Variants in CHRM3 observed in about 807,000 individuals in gnomAD.
CHRM3 encodes cholinergic receptor muscarinic 3.
In CHRM3, 11 loss-of-function variants were observed where a neutral mutation model predicts 41.8. The ratio of observed to expected loss-of-function variants is 0.26; its 90% CI spans 0.17 to 0.44. The LOEUF (loss-of-function observed/expected upper bound fraction) is 0.44. Among genes scored for constraint, CHRM3 ranks in the 20% least tolerant of loss-of-function variants. The pLI is 1.00. For missense variants in CHRM3, 571 were observed against 745.4 expected, an observed-to-expected ratio of 0.77 and a Z score of 2.72; for synonymous variants, 297 against 301.4, an observed-to-expected ratio of 0.99 and a Z score of 0.15.
chr1:239,402,949 G>A (rs1660103500), intron 1 of CHRM3, among the ~76,000 whole-genome samples: 1 of 152,046 alleles, frequency 6.6e-6, no homozygotes, highest in Non-Finnish European at 1.5e-5. Flanking sequence ...GAACTTTGTG[G>A]ATTTTTTTTT....
chr1:239,599,796 A>T (rs1324108604), intron 3 of CHRM3, among the ~76,000 whole-genome samples: 1 of 152,024 alleles, frequency 6.6e-6, no homozygotes, highest in East Asian at 1.9e-4. Flanking sequence ...TGAATATCTC[A>T]TGTAATTTAT....
chr1:239,741,182 C>G (rs1403716276), intron 5 of CHRM3, among the ~76,000 whole-genome samples: 4 of 152,050 alleles, frequency 2.6e-5, no homozygotes, highest in Admixed American at 2.6e-4. Context: ...AGAGGAGATT[C>G]AAAGCAGCAG....
At chr1:239,613,876 T>C (rs1667336178) in intron 3 of CHRM3, among the ~76,000 whole-genome samples, 1 of 152,204 alleles carries the variant, frequency 6.6e-6, no homozygotes, top group Non-Finnish European at 1.5e-5. Flanking sequence ...AAGGATGGGC[T>C]GGGCACAGTG....
At chr1:239,699,169 A>G (rs1330978959) in intron 5 of CHRM3, among the ~76,000 whole-genome samples, 1 of 152,024 alleles carries the variant, frequency 6.6e-6, no homozygotes, top group Non-Finnish European at 1.5e-5. Flanking sequence ...TATTAAAAGT[A>G]TGTTCTGTTT....
chr1:239,728,251 G>A lies in CHRM3; in HGVS notation c.-147+49963G>A, dbSNP rs548216079. ...CCCACTGACAGAAGCTGAATTTAAC[G>A]TTAGTTTTCATGGTTATATCCCCTT... On this transcript the variant is annotated intron_variant, in intron 5 of 6. Coordinates refer to ENST00000676153, the MANE Select transcript of CHRM3 (RefSeq NM_001375978.1). Among the ~76,000 whole-genome samples the A allele has an allele frequency of 1.7e-4, 26 of 152,026 alleles. No homozygotes were observed. The South Asian group carries it at 2.9e-3, about 17-fold the overall frequency.
chr1:239,580,326 T>TCA (rs1662759285), intron 3 of CHRM3, among the ~76,000 whole-genome samples: 2 of 148,094 alleles, frequency 1.4e-5, no homozygotes, highest in South Asian at 4.3e-4. Flanking sequence ...TTGACCATAT[T>TCA]CAACTATTAT....
intron 6 of CHRM3, among the ~76,000 whole-genome samples, chr1:239,853,630 A>G (rs1054312859): frequency 6.6e-6 from 1 of 152,052 alleles, no homozygotes; most frequent in African/African-American, 2.4e-5. Flanking sequence ...GTTTATTTGT[A>G]CAAAAAAATT....
At chr1:239,757,413 G>A (rs530216032) in intron 5 of CHRM3, among the ~76,000 whole-genome samples, 3 of 152,138 alleles carry the variant, frequency 2.0e-5, no homozygotes, top group South Asian at 2.1e-4. Context: ...GGCACATCAC[G>A]AGGTCAGGAG....
At chr1:239,827,541 T>C (rs1672552608) in intron 6 of CHRM3, among the ~76,000 whole-genome samples, 163 bp downstream of exon 6, 1 of 152,184 alleles carries the variant, frequency 6.6e-6, no homozygotes, top group African/African-American at 2.4e-5. Context: ...ATGTTGAAGG[T>C]AATGATAGTT....
At chr1:239,477,285 G>A (rs1336606787) in intron 1 of CHRM3, among the ~76,000 whole-genome samples, 5 of 152,100 alleles carry the variant, frequency 3.3e-5, no homozygotes, top group African/African-American at 1.2e-4. Flanking sequence ...AGCATCTTGA[G>A]GACTACAAAG....
At chr1:239,898,639 CG>C (rs1260802723) in intron 6 of CHRM3, among the ~76,000 whole-genome samples, 2 of 152,096 alleles carry the variant, frequency 1.3e-5, no homozygotes, top group Non-Finnish European at 2.9e-5. Context: ...AAAATTTATA[CG>C]CTTTTAATTG....
chr1:239,759,755 T>C (rs1666574975), intron 5 of CHRM3, among the ~76,000 whole-genome samples: 2 of 152,186 alleles, frequency 1.3e-5, no homozygotes, highest in African/African-American at 2.4e-5. Context: ...GCCCCTGCTT[T>C]CTCTCTACTG....
intron 4 of CHRM3, among the ~76,000 whole-genome samples, chr1:239,664,105 T>C (rs558354233): frequency 1.3e-5 from 2 of 152,346 alleles, no homozygotes; most frequent in African/African-American, 4.8e-5. Flanking sequence ...TATTTTAGTC[T>C]TTGTTTTAAA....
rs899034992 is a variant in CHRM3 at position 239,387,418 on chromosome 1, G to A, written c.-521+191G>A. On this transcript the variant is annotated intron_variant, in intron 1 of 6. Transcript: ENST00000676153. This position sits in a 1 kb window ranked among gnomAD's most constrained non-coding sequence, Gnocchi z 5.1. ...GGCTGTTGATTTGGGGAAGATGGGG[G>A]CACTTGAATTCCGACAGCGCGATCT... Among the ~76,000 whole-genome samples, 2 of 152,076 alleles carry A rather than the reference G, an allele frequency of 1.3e-5. No individual in the cohort carries two copies. The highest frequency in any genetic ancestry group is 1.5e-5 in the Non-Finnish European group (1 of 68,020).
chr1:239,402,360 T>C (rs1040769942), intron 1 of CHRM3, among the ~76,000 whole-genome samples: 3 of 152,334 alleles, frequency 2.0e-5, no homozygotes, highest in East Asian at 1.9e-4. Context: ...TTGCCACCTG[T>C]TCTCACTACT....
intron 3 of CHRM3, among the ~76,000 whole-genome samples, chr1:239,583,901 C>G (rs1199029376): frequency 6.6e-6 from 1 of 151,778 alleles, no homozygotes; most frequent in Non-Finnish European, 1.5e-5. Context: ...TTTATCCTAC[C>G]CTGCTGGCCA....
intron 4 of CHRM3, among the ~76,000 whole-genome samples, chr1:239,673,843 G>C (rs1027554241): frequency 6.6e-6 from 1 of 151,904 alleles, no homozygotes; most frequent in African/African-American, 2.4e-5. Context: ...TTTCCTGTTC[G>C]ATACACAAAT....
intron 1 of CHRM3, among the ~76,000 whole-genome samples, chr1:239,463,068 C>T (rs16838363): frequency 0.064 from 9,754 of 152,122 alleles, 592 homozygotes; most frequent in African/African-American, 0.16. Context: ...ACTAACTAAT[C>T]GATTGAACAA....
chr1:239,636,274 T>G (rs1184916386), intron 4 of CHRM3, among the ~76,000 whole-genome samples: 1 of 152,218 alleles, frequency 6.6e-6, no homozygotes, highest in Non-Finnish European at 1.5e-5. Context: ...ATTCCCTTGA[T>G]GCCAGTATTT....
Sources: gnomAD v4.1 joint callset for allele counts (sites outside exome capture counted in the v4.1 genomes callset) on GRCh38, gnomAD v4.1.1 for gene constraint, Gnocchi (gnomAD v3.1) non-coding constraint, MANE v1.5 for transcripts, NCBI Gene and HGNC (gene_info 2026-07-23, HGNC 2026-07-21) for gene names.